PRKG1: variants seen among roughly 807,000 people sequenced by gnomAD.
PRKG1 encodes cGMP-dependent protein kinase 1.
PRKG1 carries 35 observed loss-of-function variants against 88.1 expected under a neutral mutation model. The observed-to-expected ratio is 0.40, with a 90% CI of 0.30 to 0.53. The LOEUF is 0.53. PRKG1 is among the 20% of genes least tolerant of loss of function. The probability of loss-of-function intolerance (pLI) is 0.59; values close to 1 mark genes in which losing one functional copy is unlikely to be tolerated. For synonymous variants in PRKG1, 303 were observed against 292.5 expected (o/e 1.04, Z -0.37); for missense variants, 540 against 839.8 (o/e 0.64, Z 4.41).
chr10:51,764,300 A>T (rs1162483934), intron 3 of PRKG1, among the ~76,000 whole-genome samples: 1 of 152,192 alleles, frequency 6.6e-6, no homozygotes, highest in East Asian at 1.9e-4. Context: ...GTGTTAGTGT[A>T]GGGAGTCTCT....
At chr10:51,281,957 G>A (rs1470026413) in intron 2 of PRKG1, among the ~76,000 whole-genome samples, 3 of 152,136 alleles carry the variant, frequency 2.0e-5, no homozygotes, top group Admixed American at 6.5e-5. Flanking sequence ...TTTTCATAGT[G>A]GTGCTGGGGT....
chr10:51,194,852 G>A (rs1472459228), intron 2 of PRKG1, among the ~76,000 whole-genome samples: 5 of 152,030 alleles, frequency 3.3e-5, no homozygotes, highest in South Asian at 4.2e-4. Flanking sequence ...GAGAGAAAGC[G>A]GGAACCAAAA....
chr10:52,221,469 G>T (rs893440258), intron 9 of PRKG1, among the ~76,000 whole-genome samples: 3 of 151,978 alleles, frequency 2.0e-5, no homozygotes, highest in Non-Finnish European at 4.4e-5. Flanking sequence ...TAATATGAAA[G>T]TTAAGAATAT....
At chr10:51,622,770 A>G (rs1353920746) in intron 3 of PRKG1, among the ~76,000 whole-genome samples, 1 of 152,212 alleles carries the variant, frequency 6.6e-6, no homozygotes, top group East Asian at 1.9e-4. Flanking sequence ...CTTTTTGGCC[A>G]TCAGACTTTG....
chr10:51,047,253 G>A (rs1843501892), intron 1 of PRKG1, among the ~76,000 whole-genome samples: 1 of 152,170 alleles, frequency 6.6e-6, no homozygotes, highest in Non-Finnish European at 1.5e-5. Flanking sequence ...GATTCCACCA[G>A]GGATTGAATC....
At chr10:51,159,262 T>C (rs1269748526) in intron 2 of PRKG1, among the ~76,000 whole-genome samples, 1 of 152,166 alleles carries the variant, frequency 6.6e-6, no homozygotes, top group East Asian at 1.9e-4. Flanking sequence ...TTCAGAACAC[T>C]ACCTGAGAGT....
intron 5 of PRKG1, among the ~76,000 whole-genome samples, chr10:51,966,911 CAGGTGCTGG>C (rs1237289111): frequency 6.6e-6 from 1 of 152,114 alleles, no homozygotes; most frequent in Non-Finnish European, 1.5e-5. Flanking sequence ...CAGGAAACAA[CAGGTGCTGG>C]AGAGGATGTG....
At chr10:52,003,664 T>C (rs149828923) in intron 5 of PRKG1, among the ~76,000 whole-genome samples, 2 of 152,278 alleles carry the variant, frequency 1.3e-5, no homozygotes, top group African/African-American at 2.4e-5. Flanking sequence ...GGAATATCCG[T>C]CTGGGGAAGC....
chr10:51,841,400 C>T (rs187280433), intron 4 of PRKG1, among the ~76,000 whole-genome samples: 1 of 152,218 alleles, frequency 6.6e-6, no homozygotes, highest in Admixed American at 6.5e-5. Flanking sequence ...TGATAAATGC[C>T]TTGTTAGGAC....
intron 12 of PRKG1, among the ~76,000 whole-genome samples, chr10:52,276,455 C>A (rs543140690): frequency 6.6e-6 from 1 of 152,250 alleles, no homozygotes; most frequent in African/African-American, 2.4e-5. Context: ...CTGTTACATT[C>A]TGATATCCAA....
At chr10:52,214,772 T>C (rs1461035480) in intron 9 of PRKG1, among the ~76,000 whole-genome samples, 2 of 151,970 alleles carry the variant, frequency 1.3e-5, no homozygotes, top group Non-Finnish European at 2.9e-5. Flanking sequence ...ACAAATGTAA[T>C]GAGGAAAGCC....
At chr10:52,090,037 T>G (rs1002645362) in intron 7 of PRKG1, among the ~76,000 whole-genome samples, 1 of 151,958 alleles carries the variant, frequency 6.6e-6, no homozygotes, top group Non-Finnish European at 1.5e-5. Context: ...ATGGTCTCGA[T>G]CTCTTGACCT....
intron 9 of PRKG1, among the ~76,000 whole-genome samples, chr10:52,208,096 G>A (rs1839868073): frequency 6.6e-6 from 1 of 152,162 alleles, no homozygotes; most frequent in South Asian, 2.1e-4. Flanking sequence ...GTGGAGTCAA[G>A]ATTTGAAGCA....
chr10:51,678,828 G>A (rs1196955035), intron 3 of PRKG1, among the ~76,000 whole-genome samples: 1 of 152,160 alleles, frequency 6.6e-6, no homozygotes, highest in African/African-American at 2.4e-5. Context: ...CTGAAACAGT[G>A]GCTGGATGTT....
chr10:51,863,147 C>A (rs1427810481), intron 4 of PRKG1, among the ~76,000 whole-genome samples: 3 of 126,680 alleles, frequency 2.4e-5, no homozygotes, highest in Non-Finnish European at 5.2e-5. Flanking sequence ...GTATCTCATG[C>A]TAATCCAGAT....
chr10:51,395,837 A>G (rs548818478), intron 2 of PRKG1, among the ~76,000 whole-genome samples: 2 of 152,170 alleles, frequency 1.3e-5, no homozygotes, highest in Non-Finnish European at 2.9e-5. Context: ...TTGAATCTAA[A>G]GCTAGATGAC....
chr10:51,836,338 T>C (rs1840129904), intron 4 of PRKG1, among the ~76,000 whole-genome samples: 1 of 152,188 alleles, frequency 6.6e-6, no homozygotes, highest in South Asian at 2.1e-4. Context: ...CAGTGTATGA[T>C]TTGCAAGTAT....
chr10:52,176,233 T>C (rs893314951), intron 9 of PRKG1, among the ~76,000 whole-genome samples: 3 of 148,696 alleles, frequency 2.0e-5, no homozygotes, highest in Non-Finnish European at 1.5e-5. Context: ...ATTCTGCATA[T>C]TGGTACCCAG....
chr10:51,709,622 T>A (rs953399549), intron 3 of PRKG1, among the ~76,000 whole-genome samples: 36 of 152,132 alleles, frequency 2.4e-4, no homozygotes, highest in Admixed American at 1.8e-3. Context: ...CCTTGAGGGG[T>A]CTAGGAAAGA....
Sources: allele counts gnomAD v4.1 joint callset (sites outside exome capture counted in the v4.1 genomes callset), GRCh38; gene constraint gnomAD v4.1.1; transcripts MANE v1.5; gene names NCBI Gene and HGNC (gene_info 2026-07-23, HGNC 2026-07-21).